AAMDC: variants seen among roughly 807,000 people sequenced by gnomAD.
The protein encoded by AAMDC is mth938 domain-containing protein.
A neutral mutation model predicts 15.5 loss-of-function variants in AAMDC; 16 were observed. The observed-to-expected ratio is 1.03, with a 90% confidence interval of 0.70 to 1.57. The LOEUF is 1.57. AAMDC is among the 40% of genes most tolerant of loss of function. The pLI is 0.00. For missense variants in AAMDC, 141 were observed against 144.9 expected (o/e 0.97, Z 0.14); for synonymous variants, 51 against 51.6 (o/e 0.99, Z 0.05).
intron 1 of AAMDC, among the ~76,000 whole-genome samples, chr11:77,823,009 A>G (rs1209080290): frequency 2.0e-5 from 3 of 152,064 alleles, no homozygotes; most frequent in African/African-American, 7.2e-5. Context: ...AGGTCAGGAG[A>G]TCAAGACCAT....
intron 5 of AAMDC, among the ~76,000 whole-genome samples, chr11:77,877,478 T>G (rs887453586): frequency 6.6e-6 from 1 of 152,204 alleles, no homozygotes; most frequent in Non-Finnish European, 1.5e-5. Flanking sequence ...CAACCACTGT[T>G]GAGGTCCAAT....
intron 1 of AAMDC, chr11:77,841,234 C>T: frequency 1.4e-6 from 1 of 702,460 alleles, no homozygotes; most frequent in Non-Finnish European, 2.6e-6. Flanking sequence ...GGTCCCACCT[C>T]TTAATGTTGT....
downstream of AAMDC, among the ~76,000 whole-genome samples, chr11:77,902,069 G>T (rs1201992486): frequency 2.0e-5 from 3 of 152,174 alleles, no homozygotes; most frequent in Non-Finnish European, 4.4e-5. Flanking sequence ...ATCTTGCTCG[G>T]TTCTATCCAA....
At chr11:77,852,224 C>CAAAAAAAAA (rs545742213) in intron 2 of AAMDC, among the ~76,000 whole-genome samples, 28 of 33,244 alleles carry the variant, frequency 8.4e-4, no homozygotes, top group East Asian at 1.9e-3. Context: ...GACACTGTCT[C>CAAAAAAAAA]AAAAAAAAAA....
rs762899951 is a variant in AAMDC, at chr11:77,860,650, AATAG to A, written c.133-9069_133-9066del. On this transcript the variant is annotated intron_variant, in intron 2 of 3. Coordinates refer to ENST00000393427, the MANE Select transcript of AAMDC (RefSeq NM_024684.4). ...CAAGTCTTGGGCTAATGCCTGGCCA[AATAG>A]ATGGGGGCTGTCCCTGAACCCTTGG... 7.2e-5 allele frequency among the ~76,000 whole-genome samples: 11 copies of A among 152,340 alleles called. No individual in the cohort carries two copies. In the East Asian group the frequency reaches 1.9e-3, roughly 27 times the overall value.
intron 1 of AAMDC, among the ~76,000 whole-genome samples, chr11:77,823,711 G>C (rs1439428793): frequency 6.6e-6 from 1 of 150,866 alleles, no homozygotes; most frequent in Non-Finnish European, 1.5e-5. Context: ...TTCATATACT[G>C]GTTACTTAAC....
chr11:77,833,079 CA>C (rs1742813937), intron 1 of AAMDC, among the ~76,000 whole-genome samples: 1 of 137,924 alleles, frequency 7.3e-6, no homozygotes, highest in Middle Eastern at 3.6e-3. Flanking sequence ...TGGCAGATCT[CA>C]TATCAGTGCA....
At chr11:77,895,751 C>A (rs1265569855) in intron 5 of AAMDC, among the ~76,000 whole-genome samples, 1 of 151,994 alleles carries the variant, frequency 6.6e-6, no homozygotes, top group Non-Finnish European at 1.5e-5. Context: ...TATAGAGAAT[C>A]ATCTTGGAGA....
At chr11:77,887,787 CAGAG>C (rs1404827077) in intron 5 of AAMDC, among the ~76,000 whole-genome samples, 1 of 152,146 alleles carries the variant, frequency 6.6e-6, no homozygotes, top group Non-Finnish European at 1.5e-5. Context: ...AACAGACAAA[CAGAG>C]AGCCAAATCA....
chr11:77,852,954 TCG>T (rs1446945481), intron 2 of AAMDC, among the ~76,000 whole-genome samples: 3 of 152,200 alleles, frequency 2.0e-5, no homozygotes, highest in African/African-American at 7.2e-5. Flanking sequence ...GGATGGGTAC[TCG>T]ATTGCTTTCA....
In AAMDC at chr11:77,887,494, C is replaced by A. The variant is rs899609424; in HGVS notation, c.328+10445C>A. Among the ~76,000 whole-genome samples, 3 of 152,082 alleles carry A rather than the reference C, an allele frequency of 2.0e-5. No homozygotes were observed. In the East Asian group the frequency reaches 5.8e-4, roughly 29 times the overall value. ...TGAATGGGCAAAAACTGGAAGCATT[C>A]CCTTTGAAAACTGGCACAAGACAGG... On this transcript the variant is annotated intron_variant, in intron 5 of 5. Coordinates refer to the AAMDC transcript ENST00000304716.
intron 1 of AAMDC, among the ~76,000 whole-genome samples, chr11:77,824,778 G>GT (rs1565194089): frequency 6.6e-6 from 1 of 152,188 alleles, no homozygotes. Context: ...TGATTGGCAA[G>GT]TTTATTTCTC....
downstream of AAMDC, chr11:77,903,735 T>C: frequency 7.1e-6 from 5 of 704,016 alleles, no homozygotes; most frequent in Admixed American, 2.7e-5. Flanking sequence ...GACTTCTCAA[T>C]TGATCTTATT....
At chr11:77,865,313 C>T (rs373145022) in intron 2 of AAMDC, among the ~76,000 whole-genome samples, 93 of 152,088 alleles carry the variant, frequency 6.1e-4, no homozygotes, top group African/African-American at 2.2e-3. Flanking sequence ...GTGGCCAGTC[C>T]AAACTGGTGG....
intron 1 of AAMDC, among the ~76,000 whole-genome samples, chr11:77,824,233 T>C (rs545575307): frequency 6.6e-5 from 10 of 152,248 alleles, no homozygotes; most frequent in Non-Finnish European, 8.8e-5. Context: ...CGACAATTTA[T>C]GTAGTTATAT....
At chr11:77,866,184 A>C in intron 2 of AAMDC, among the ~76,000 whole-genome samples, 1 of 152,238 alleles carries the variant, frequency 6.6e-6, no homozygotes, top group Non-Finnish European at 1.5e-5. Context: ...AATAGGGAGA[A>C]ATGTTCAAGA....
chr11:77,839,767 A>G (rs1949846647), intron 1 of AAMDC, among the ~76,000 whole-genome samples: 1 of 152,136 alleles, frequency 6.6e-6, no homozygotes, highest in Admixed American at 6.6e-5. Flanking sequence ...GGTGCTGAAC[A>G]ATGAGAACAC....
intron 5 of AAMDC, among the ~76,000 whole-genome samples, chr11:77,888,760 C>A (rs1952130125): frequency 1.3e-5 from 2 of 152,090 alleles, no homozygotes; most frequent in African/African-American, 4.8e-5. Context: ...AAAAAGTGGG[C>A]AAAGGATATG....
At chr11:77,883,931 C>T in intron 5 of AAMDC, 1 of 1,613,142 alleles carries the variant, frequency 6.2e-7, no homozygotes, top group Non-Finnish European at 8.5e-7. Context: ...ATCATCTGAG[C>T]CTGGCCATCT....
Sources: allele counts gnomAD v4.1 joint callset (sites outside exome capture counted in the v4.1 genomes callset), GRCh38; gene constraint gnomAD v4.1.1; transcripts MANE v1.5; gene names NCBI Gene and HGNC (gene_info 2026-07-23, HGNC 2026-07-21).